Variants in SNCAIP observed in about 807,000 individuals in gnomAD.
SNCAIP encodes the protein synuclein alpha interacting protein.
Under a neutral mutation model 86.7 loss-of-function variants are expected in SNCAIP, and 43 were observed. That is an observed-to-expected ratio of 0.50 (90% CI 0.39 to 0.64). SNCAIP has a LOEUF of 0.64. Ranked by LOEUF, SNCAIP falls within the 30% of genes least tolerant of loss-of-function variation. SNCAIP has a pLI of 0.00. For synonymous variants in SNCAIP, 417 were observed against 427.2 expected, an observed-to-expected ratio of 0.98 and a Z score of 0.29; for missense variants, 981 against 1,103.1, an observed-to-expected ratio of 0.89 and a Z score of 1.57.
intron 1 of SNCAIP, among the ~76,000 whole-genome samples, chr5:122,316,137 G>A (rs903655026): frequency 2.6e-5 from 4 of 152,148 alleles, no homozygotes; most frequent in Admixed American, 6.5e-5. Flanking sequence ...ATTGTTTAGT[G>A]TTTAAATCAC....
chr5:122,351,411 C>T (rs575508551), intron 1 of SNCAIP, among the ~76,000 whole-genome samples: 6 of 151,784 alleles, frequency 4.0e-5, no homozygotes, highest in South Asian at 2.1e-4. Flanking sequence ...GTGGCATGCA[C>T]CTGTAATCCC....
At chr5:122,321,081 A>G (rs1752827920) in intron 1 of SNCAIP, among the ~76,000 whole-genome samples, 2 of 152,206 alleles carry the variant, frequency 1.3e-5, no homozygotes, top group Non-Finnish European at 2.9e-5. Context: ...ACACTGGCAG[A>G]TAGAAATGTA....
In SNCAIP at chr5:122,327,725, C is replaced by T. The variant is rs142719197; in HGVS notation, c.-47+15441C>T. Among the ~76,000 whole-genome samples, 300 of 152,310 alleles carry T rather than the reference C, an allele frequency of 2.0e-3. 1 individual carries two copies. Among genetic ancestry groups the T allele is most frequent in the Non-Finnish European group, 3.4e-3 (232 of 68,022 alleles). On this transcript the variant is annotated intron_variant, in intron 1 of 10. Transcript: ENST00000261368. ...CTCTTCCCTTTATAAAGTACCCAGT[C>T]TCAGATAGTTCTTACAGCAGTGTGA... is the stretch of plus-strand genomic sequence containing the variant.
At chr5:122,376,327 T>C (rs577505557) in intron 1 of SNCAIP, among the ~76,000 whole-genome samples, 35 of 151,212 alleles carry the variant, frequency 2.3e-4, no homozygotes, top group African/African-American at 4.6e-4. Flanking sequence ...ACTGTAGAAA[T>C]TGAGTAATTT....
At chr5:122,384,202 G>A (rs923728267) in intron 1 of SNCAIP, among the ~76,000 whole-genome samples, 4 of 152,192 alleles carry the variant, frequency 2.6e-5, no homozygotes, top group African/African-American at 9.7e-5. Flanking sequence ...TGGTTAGCAG[G>A]AAATGATTTG....
chr5:122,452,512 A>C (rs1045784570), intron 10 of SNCAIP, among the ~76,000 whole-genome samples: 1 of 152,184 alleles, frequency 6.6e-6, no homozygotes, highest in Non-Finnish European at 1.5e-5. Flanking sequence ...GAACTGTCCA[A>C]ATTCTTTTTG....
In SNCAIP at chr5:122,425,342, A is replaced by G. The variant is rs938052173; in HGVS notation, c.1003-10A>G. On this transcript the variant is annotated splice_polypyrimidine_tract_variant and intron_variant, in intron 4 of 10. Coordinates refer to ENST00000261368, the MANE Select transcript of SNCAIP (RefSeq NM_005460.4). ...TTGACTTGGGTTTTCTAATCTTACT[A>G]TTTATACAGCCACACCTAGCTGCAG... is the stretch of plus-strand genomic sequence containing the variant. The G allele has an allele frequency of 8.1e-6, 13 of 1,610,042 alleles. No individual in the cohort carries two copies. Among genetic ancestry groups the G allele is most frequent in the South Asian group, 1.1e-5 (1 of 90,990 alleles).
intron 1 of SNCAIP, among the ~76,000 whole-genome samples, chr5:122,343,057 T>C (rs994654229): frequency 6.6e-6 from 1 of 152,226 alleles, no homozygotes; most frequent in Non-Finnish European, 1.5e-5. Flanking sequence ...CACCTTAAAA[T>C]AGTTTTGGCA....
chr5:122,385,670 C>CGT (rs1355135907), intron 1 of SNCAIP, among the ~76,000 whole-genome samples: 12 of 144,668 alleles, frequency 8.3e-5, no homozygotes, highest in South Asian at 2.3e-4. Context: ...CGTGTGCGCA[C>CGT]GTATGTGTGT....
intron 1 of SNCAIP, among the ~76,000 whole-genome samples, chr5:122,315,468 T>C (rs1751516931): frequency 6.6e-6 from 1 of 152,204 alleles, no homozygotes; most frequent in Non-Finnish European, 1.5e-5. Context: ...AGTCAGAAGG[T>C]TACCCCAGAT....
At chr5:122,318,966 CTTTTTTTTT>C (rs58667095) in intron 1 of SNCAIP, among the ~76,000 whole-genome samples, 4 of 130,652 alleles carry the variant, frequency 3.1e-5, no homozygotes, top group Non-Finnish European at 5.0e-5. Flanking sequence ...CTGTTATCAT[CTTTTTTTTT>C]TTTTTTTTTT....
intron 10 of SNCAIP, among the ~76,000 whole-genome samples, chr5:122,458,025 G>A (rs1785196922): frequency 6.6e-6 from 1 of 152,200 alleles, no homozygotes; most frequent in Non-Finnish European, 1.5e-5. Context: ...CAAATGGGGT[G>A]TCTTTTCATA....
intron 3 of SNCAIP, among the ~76,000 whole-genome samples, chr5:122,414,719 A>C (rs1174608843): frequency 2.6e-5 from 4 of 152,238 alleles, no homozygotes; most frequent in African/African-American, 9.6e-5. Context: ...TCTTTAGGGA[A>C]TAATTTAATT....
At chr5:122,362,993 A>AT (rs769726232) in intron 1 of SNCAIP, among the ~76,000 whole-genome samples, 12,622 of 113,940 alleles carry the variant, frequency 0.11, 809 homozygotes, top group South Asian at 0.15. Context: ...CATAAATTCT[A>AT]TTTTTTTTTT....
At chr5:122,368,854 C>CA (rs915509944) in intron 1 of SNCAIP, among the ~76,000 whole-genome samples, 1 of 152,184 alleles carries the variant, frequency 6.6e-6, no homozygotes, top group Non-Finnish European at 1.5e-5. Flanking sequence ...TGGCTGGTCA[C>CA]AAAATCACTG....
rs568350858 is a variant in SNCAIP, at chr5:122,334,920, T to C, written c.-47+22636T>C. Among the ~76,000 whole-genome samples, 4 of 152,246 alleles carry C rather than the reference T, an allele frequency of 2.6e-5. No individual in the cohort carries two copies. The East Asian group carries it at 5.8e-4, about 22-fold the overall frequency. On this transcript the variant is annotated intron_variant, in intron 1 of 10. Coordinates refer to ENST00000261368, the MANE Select transcript of SNCAIP (RefSeq NM_005460.4). ...TTATATTGACCCTATAGGTGTGGAT[T>C]TGGGGACTACAGGTTTCAGGAAATG... is the stretch of plus-strand genomic sequence containing the variant.
At chr5:122,332,133 T>A (rs1444669873) in intron 1 of SNCAIP, among the ~76,000 whole-genome samples, 2 of 152,276 alleles carry the variant, frequency 1.3e-5, no homozygotes, top group Non-Finnish European at 2.9e-5. Flanking sequence ...AAATTTTAAA[T>A]CATTCTCCAA....
At chr5:122,348,440 G>T (rs1759071586) in intron 1 of SNCAIP, among the ~76,000 whole-genome samples, 1 of 152,034 alleles carries the variant, frequency 6.6e-6, no homozygotes, top group South Asian at 2.1e-4. Flanking sequence ...TGTCAGAAGA[G>T]GAACATATTC....
chr5:122,396,154 C>T (rs549198315), intron 2 of SNCAIP, among the ~76,000 whole-genome samples: 1 of 152,310 alleles, frequency 6.6e-6, no homozygotes, highest in Non-Finnish European at 1.5e-5. Flanking sequence ...TTCTTCCCTT[C>T]TCCAGCTCAG....
Sources: allele counts gnomAD v4.1 joint callset (sites outside exome capture counted in the v4.1 genomes callset), GRCh38; gene constraint gnomAD v4.1.1; transcripts MANE v1.5; gene names NCBI Gene and HGNC (gene_info 2026-07-23, HGNC 2026-07-21).